Variants in BMPR1A observed in about 807,000 individuals in gnomAD.
BMPR1A encodes bone morphogenetic protein receptor type-1A.
In BMPR1A, 7 loss-of-function variants were observed where a neutral mutation model predicts 66.0. That is an observed-to-expected ratio of 0.11 (90% CI 0.06 to 0.20). The LOEUF is 0.20. BMPR1A is among the 10% of genes least tolerant of loss of function. The pLI, the probability that BMPR1A is intolerant of heterozygous loss-of-function variation, is 1.00. For synonymous variants in BMPR1A, 200 were observed against 229.7 expected, an observed-to-expected ratio of 0.87 and a Z score of 1.17; for missense variants, 408 against 669.1, an observed-to-expected ratio of 0.61 and a Z score of 4.31.
At chr10:86,858,049 G>A (rs1376900501) in intron 2 of BMPR1A, among the ~76,000 whole-genome samples, 1 of 152,122 alleles carries the variant, frequency 6.6e-6, no homozygotes, top group Non-Finnish European at 1.5e-5. Flanking sequence ...GAAAGAGTTT[G>A]TGGACATATT....
chr10:86,766,859 C>T (rs1841171934), intron 1 of BMPR1A, among the ~76,000 whole-genome samples: 1 of 146,694 alleles, frequency 6.8e-6, no homozygotes, highest in Non-Finnish European at 1.5e-5. Flanking sequence ...GAGTCTTGCT[C>T]TGCTGCCAGG....
At position 86,836,330 on chromosome 10, in the gene BMPR1A, T is replaced by C. The variant is rs1422042921; in HGVS notation, c.-267-2535T>C. ...ACCTTTATTCACACAACTTCCAGTG[T>C]GTACAATGTGACTTGCAGAGCTGTA... On this transcript the variant is annotated intron_variant, in intron 1 of 12. Transcript: ENST00000372037. 2.0e-5 allele frequency among the ~76,000 whole-genome samples: 3 copies of C among 152,340 alleles called. No homozygotes were observed. In the East Asian group the frequency reaches 5.8e-4, roughly 29 times the overall value.
Position 86,923,956 on chromosome 10 carries a change from C to G in BMPR1A, c.*237C>G. ...TTTATTTTAAATGTGGTTTTTGATG[C>G]CTTTTTTTAAGTGGGTTTTTATGAA... On this transcript the variant is annotated 3_prime_UTR_variant, in exon 13 of 13. Coordinates refer to ENST00000372037, the MANE Select transcript of BMPR1A (RefSeq NM_004329.3). The G allele has an allele frequency of 1.8e-6, 1 of 541,492 alleles. No homozygotes were observed. Among genetic ancestry groups the G allele is most frequent in the Non-Finnish European group, 3.3e-6 (1 of 305,086 alleles). The allele number at this position is 541,492 out of a possible 1,614,324, so 33.5% of individuals were successfully genotyped here.
At chr10:86,817,934 G>C (rs2132982749) in intron 1 of BMPR1A, among the ~76,000 whole-genome samples, 1 of 152,290 alleles carries the variant, frequency 6.6e-6, no homozygotes, top group South Asian at 2.1e-4. Flanking sequence ...ATACTTCTTA[G>C]GAACGTTGAT....
At chr10:86,892,307 T>C in intron 5 of BMPR1A, 78 bp downstream of exon 5, 1 of 1,136,062 alleles carries the variant, frequency 8.8e-7, no homozygotes, top group South Asian at 1.3e-5. Flanking sequence ...AGGAGAAACA[T>C]GCCTGGTGTA....
intron 1 of BMPR1A, among the ~76,000 whole-genome samples, chr10:86,819,159 TTA>T (rs1842083102): frequency 1.3e-5 from 1 of 74,204 alleles, no homozygotes; most frequent in Non-Finnish European, 3.2e-5. Context: ...TACTTATTTA[TTA>T]TTATTATTAC....
intron 11 of BMPR1A, among the ~76,000 whole-genome samples, chr10:86,922,499 T>C (rs1352395549): frequency 1.3e-5 from 2 of 152,214 alleles, no homozygotes; most frequent in Non-Finnish European, 2.9e-5. Flanking sequence ...GTTGTGCGAT[T>C]TCACTTGAAG....
At chr10:86,843,677 A>G (rs1476938678) in intron 2 of BMPR1A, among the ~76,000 whole-genome samples, 1 of 152,220 alleles carries the variant, frequency 6.6e-6, no homozygotes, top group African/African-American at 2.4e-5. Flanking sequence ...TAAAATTTAG[A>G]TGGGTAAAGG....
In BMPR1A at chr10:86,769,756, G is replaced by T. The variant is rs775338220; in HGVS notation, c.-268+12837G>T. ...GAGGTCTAAGAGAACCATTCCTGGA[G>T]GTTAAGAATACTAGCAGAAGATGGA... On this transcript the variant is annotated intron_variant, in intron 1 of 12. Transcript: ENST00000372037. Among the ~76,000 whole-genome samples, 4 of 152,162 alleles carry T rather than the reference G, an allele frequency of 2.6e-5. No individual in the cohort carries two copies. The South Asian group carries it at 8.3e-4, about 32-fold the overall frequency.
chr10:86,921,928 CCTT>C (rs1275191047), intron 11 of BMPR1A, among the ~76,000 whole-genome samples: 3 of 152,170 alleles, frequency 2.0e-5, no homozygotes, highest in South Asian at 2.1e-4. Context: ...CAGTTATACT[CCTT>C]GAGTTATTTT....
chr10:86,804,617 C>T (rs568392591), intron 1 of BMPR1A, among the ~76,000 whole-genome samples: 7 of 152,086 alleles, frequency 4.6e-5, no homozygotes, highest in Admixed American at 3.3e-4. Context: ...GAATTTAATT[C>T]ATTTATTAAG....
intron 2 of BMPR1A, among the ~76,000 whole-genome samples, chr10:86,845,643 C>A (rs1205322096): frequency 3.9e-5 from 6 of 152,146 alleles, no homozygotes; most frequent in African/African-American, 1.4e-4. Flanking sequence ...GAGACTCCCT[C>A]ATGCCCCATT....
intron 2 of BMPR1A, among the ~76,000 whole-genome samples, chr10:86,857,563 C>T (rs1427000249): frequency 1.3e-5 from 2 of 152,054 alleles, no homozygotes; most frequent in Non-Finnish European, 2.9e-5. Context: ...TTATGTTTCA[C>T]AAGGTTGCAG....
rs34219531 is a variant in BMPR1A at position 86,765,483 on chromosome 10, C to CA, written c.-268+8586dup. 0.37 allele frequency among the ~76,000 whole-genome samples: 26,059 copies of CA among 70,410 alleles called. 4,732 individuals carry two copies. Among genetic ancestry groups the CA allele is most frequent in the East Asian group, 0.68 (1,698 of 2,488 alleles). 46.2% of individuals were successfully genotyped at this position (70,410 alleles called of 152,430 possible). The stretch of plus-strand genomic sequence containing the variant: ...TGGGCGACAGAGTAAGACTCTGTCT[C>CA]AAAAAAAAAAAAAAAAAAAAAAGAA... On this transcript the variant is annotated intron_variant, in intron 1 of 12. Coordinates refer to ENST00000372037, the MANE Select transcript of BMPR1A (RefSeq NM_004329.3).
At chr10:86,914,519 A>T (rs954851053) in intron 8 of BMPR1A, among the ~76,000 whole-genome samples, 1 of 152,234 alleles carries the variant, frequency 6.6e-6, no homozygotes, top group Non-Finnish European at 1.5e-5. Context: ...GACCTTTTGC[A>T]ACTCAATAAT....
intron 1 of BMPR1A, among the ~76,000 whole-genome samples, chr10:86,815,735 G>C (rs1842028466): frequency 6.6e-6 from 1 of 152,348 alleles, no homozygotes; most frequent in African/African-American, 2.4e-5. Flanking sequence ...ACGCGGCCAA[G>C]TGCCTACCTG....
At chr10:86,810,227 C>T (rs1246375105) in intron 1 of BMPR1A, among the ~76,000 whole-genome samples, 1 of 152,070 alleles carries the variant, frequency 6.6e-6, no homozygotes, top group Non-Finnish European at 1.5e-5. Context: ...GTGATCCACC[C>T]GCCTCAGTCT....
At chr10:86,906,857 A>G (rs922474665) in intron 7 of BMPR1A, among the ~76,000 whole-genome samples, 2 of 149,376 alleles carry the variant, frequency 1.3e-5, no homozygotes, top group Non-Finnish European at 3.0e-5. Context: ...TTAATTCTTC[A>G]GTTTTTCTCA....
At chr10:86,820,935 T>A (rs1006059358) in intron 1 of BMPR1A, among the ~76,000 whole-genome samples, 3 of 152,172 alleles carry the variant, frequency 2.0e-5, no homozygotes, top group African/African-American at 7.2e-5. Flanking sequence ...AGTGGAAAAT[T>A]TGGAAAATAT....
Sources: allele counts gnomAD v4.1 joint callset (sites outside exome capture counted in the v4.1 genomes callset), GRCh38; gene constraint gnomAD v4.1.1; transcripts MANE v1.5; gene names NCBI Gene and HGNC (gene_info 2026-07-23, HGNC 2026-07-21).